LDLRAD4: variants seen among roughly 807,000 people sequenced by gnomAD.
LDLRAD4 encodes low density lipoprotein receptor class A domain containing 4.
LDLRAD4 carries 5 observed loss-of-function variants against 17.0 expected under a neutral mutation model. The observed-to-expected ratio is 0.29, with a 90% CI of 0.15 to 0.62. LDLRAD4 has a LOEUF of 0.62. LDLRAD4 is among the 20% of genes least tolerant of loss of function. The pLI is 0.84. For missense variants in LDLRAD4, 340 were observed against 424.7 expected, an observed-to-expected ratio of 0.80 and a Z score of 1.75; for synonymous variants, 168 against 171.8, an observed-to-expected ratio of 0.98 and a Z score of 0.17.
chr18:13,582,585 C>T (rs891107867), intron 3 of LDLRAD4, among the ~76,000 whole-genome samples: 1 of 152,240 alleles, frequency 6.6e-6, no homozygotes, highest in African/African-American at 2.4e-5. Flanking sequence ...AATACCTGTC[C>T]CCACTGGGCC....
At chr18:13,322,640 C>T (rs9952682) in intron 1 of LDLRAD4, among the ~76,000 whole-genome samples, 57,885 of 150,982 alleles carry the variant, frequency 0.38, 11,370 homozygotes, top group African/African-American at 0.48. Context: ...TTTTTTGAGA[C>T]GGAGTATCGC....
chr18:13,509,153 A>G (rs537297086), intron 3 of LDLRAD4, among the ~76,000 whole-genome samples: 4 of 152,216 alleles, frequency 2.6e-5, no homozygotes, highest in African/African-American at 9.7e-5. Context: ...AAAATTTAAA[A>G]CAAAAACAAA....
chr18:13,527,170 GC>G (rs1456002479), intron 3 of LDLRAD4, among the ~76,000 whole-genome samples: 1 of 152,250 alleles, frequency 6.6e-6, no homozygotes, highest in Non-Finnish European at 1.5e-5. Flanking sequence ...ATTGGAGAAG[GC>G]TGTGAGGCAG....
intron 1 of LDLRAD4, among the ~76,000 whole-genome samples, chr18:13,223,559 A>C (rs2041583197): frequency 6.6e-6 from 1 of 152,180 alleles, no homozygotes; most frequent in Non-Finnish European, 1.5e-5. Context: ...CAACCTGTGC[A>C]CAGAGCTGCA....
chr18:13,550,697 G>A (rs971239189), intron 3 of LDLRAD4, among the ~76,000 whole-genome samples: 1 of 152,220 alleles, frequency 6.6e-6, no homozygotes, highest in African/African-American at 2.4e-5. Context: ...CGTAAGCCGA[G>A]GAAGATGAGA....
At chr18:13,607,180 G>T (rs117728475) in intron 3 of LDLRAD4, among the ~76,000 whole-genome samples, 1,881 of 152,266 alleles carry the variant, frequency 0.012, 22 homozygotes, top group Non-Finnish European at 0.02. Flanking sequence ...AGACTATCCC[G>T]GCTCCAACTC....
At chr18:13,294,562 T>G (rs1274041498) in intron 1 of LDLRAD4, among the ~76,000 whole-genome samples, 2 of 152,186 alleles carry the variant, frequency 1.3e-5, no homozygotes, top group African/African-American at 4.8e-5. Flanking sequence ...GAAGTAGATG[T>G]GAGAGGTCAC....
chr18:13,416,489 G>A (rs944260587), intron 2 of LDLRAD4, among the ~76,000 whole-genome samples: 1 of 152,130 alleles, frequency 6.6e-6, no homozygotes, highest in Admixed American at 6.6e-5. Context: ...TCGGGATCAC[G>A]TCTCTGCTAT....
intron 2 of LDLRAD4, among the ~76,000 whole-genome samples, chr18:13,416,155 C>T (rs1213527268): frequency 1.3e-5 from 2 of 152,282 alleles, no homozygotes; most frequent in African/African-American, 4.8e-5. Context: ...TGAGCTATGG[C>T]GAGTCATCAT....
At chr18:13,394,163 C>CGAGA (rs1468659892) in intron 2 of LDLRAD4, among the ~76,000 whole-genome samples, 1 of 152,212 alleles carries the variant, frequency 6.6e-6, no homozygotes, top group South Asian at 2.1e-4. Context: ...AGCCTCGAAT[C>CGAGA]TAGTCCTCAG....
chr18:13,343,505 T>C (rs186867309), intron 1 of LDLRAD4, among the ~76,000 whole-genome samples: 2 of 152,158 alleles, frequency 1.3e-5, no homozygotes, highest in African/African-American at 4.8e-5. Context: ...GGGTTGGTTC[T>C]AAGTCTTTGC....
At chr18:13,230,580 A>C (rs1044931467) in intron 1 of LDLRAD4, among the ~76,000 whole-genome samples, 1 of 150,698 alleles carries the variant, frequency 6.6e-6, no homozygotes, top group African/African-American at 2.4e-5. Context: ...TATATGCTTC[A>C]GAAAATTGGG....
intron 3 of LDLRAD4, among the ~76,000 whole-genome samples, chr18:13,505,797 G>A (rs1475520450): frequency 6.6e-6 from 1 of 152,106 alleles, no homozygotes; most frequent in Non-Finnish European, 1.5e-5. Context: ...CAGTCTGGGC[G>A]ACAGAGCAAG....
At chr18:13,307,898 A>C (rs1567989922) in intron 1 of LDLRAD4, among the ~76,000 whole-genome samples, 1 of 152,166 alleles carries the variant, frequency 6.6e-6, no homozygotes, top group South Asian at 2.1e-4. Flanking sequence ...CTATACTTGG[A>C]TTTTTGACCG....
chr18:13,270,877 G>A (rs1347281481), intron 1 of LDLRAD4, among the ~76,000 whole-genome samples: 4 of 152,218 alleles, frequency 2.6e-5, no homozygotes, highest in Non-Finnish European at 4.4e-5. Context: ...ATATGTATGT[G>A]TGTGTGTATT....
chr18:13,381,995 C>T (rs570486391), intron 1 of LDLRAD4, among the ~76,000 whole-genome samples: 30 of 152,322 alleles, frequency 2.0e-4, no homozygotes, highest in Middle Eastern at 3.4e-3. Flanking sequence ...GGCCAGGGAT[C>T]GGCATCCACA....
chr18:13,541,259 T>C (rs1232740564), intron 3 of LDLRAD4, among the ~76,000 whole-genome samples: 4 of 152,238 alleles, frequency 2.6e-5, no homozygotes, highest in African/African-American at 4.8e-5. Context: ...AGGACACTCA[T>C]TGCAGCAGTG....
chr18:13,473,632 A>ATC lies in LDLRAD4; in HGVS notation c.181+35251_181+35252dup, dbSNP rs1221766896. 4.1e-4 allele frequency among the ~76,000 whole-genome samples: 23 copies of ATC among 56,522 alleles called. No individual in the cohort carries two copies. In the East Asian group the frequency reaches 8.1e-3, roughly 20 times the overall value. 37.1% of individuals were successfully genotyped at this position (56,522 alleles called of 152,430 possible). ...AGTCTGGGCAGCACAGTAAGATCCC[A>ATC]TCTCATATATATATATATATATATA... is the stretch of plus-strand genomic sequence containing the variant. On this transcript the variant is annotated intron_variant, in intron 3 of 5. Transcript: ENST00000359446.
intron 1 of LDLRAD4, among the ~76,000 whole-genome samples, chr18:13,238,497 A>G (rs1238011989): frequency 1.3e-5 from 2 of 152,208 alleles, no homozygotes; most frequent in African/African-American, 2.4e-5. Context: ...AAGACTTTTT[A>G]CATCTACTCT....
Sources: gnomAD v4.1 joint callset for allele counts (sites outside exome capture counted in the v4.1 genomes callset) on GRCh38, gnomAD v4.1.1 for gene constraint, MANE v1.5 for transcripts, NCBI Gene and HGNC (gene_info 2026-07-23, HGNC 2026-07-21) for gene names.